The following WWOX variants were observed in gnomAD, a reference collection of about 807,000 sequenced individuals.
WWOX encodes WW domain-containing oxidoreductase.
WWOX carries 69 observed loss-of-function variants against 46.2 expected under a neutral mutation model. The observed-to-expected ratio is 1.49, with a 90% confidence interval of 1.23 to 1.82. The LOEUF (loss-of-function observed/expected upper bound fraction) is 1.82, where lower values mean the gene tolerates loss of function less well. WWOX is among the 40% of genes most tolerant of loss of function. The pLI is 0.00. For synonymous variants in WWOX, 359 were observed against 202.6 expected (o/e 1.77, Z -6.56); for missense variants, 919 against 542.6 (o/e 1.69, Z -6.89).
At chr16:78,552,273 T>C (rs1471407088) in intron 8 of WWOX, 3 of 152,188 alleles carry the variant, frequency 2.0e-5, no homozygotes, top group Non-Finnish European at 4.4e-5. Flanking sequence ...TGTCATCTGA[T>C]TTACACAAAG....
At chr16:78,756,709 C>G (rs937463585) in intron 8 of WWOX, among the ~76,000 whole-genome samples, 1 of 152,120 alleles carries the variant, frequency 6.6e-6, no homozygotes, top group Non-Finnish European at 1.5e-5. Flanking sequence ...AAGCAACTAC[C>G]ATATCTAATT....
chr16:78,454,576 G>T (rs1186131923), intron 8 of WWOX, among the ~76,000 whole-genome samples: 1 of 152,132 alleles, frequency 6.6e-6, no homozygotes, highest in African/African-American at 2.4e-5. Flanking sequence ...CACGATCTCT[G>T]CTGACCCCAA....
chr16:78,983,639 T>C (rs1326369011), intron 8 of WWOX, among the ~76,000 whole-genome samples: 1 of 152,176 alleles, frequency 6.6e-6, no homozygotes, highest in Non-Finnish European at 1.5e-5. Flanking sequence ...TTTGGCCTTG[T>C]GACTTCCAGC....
intron 8 of WWOX, among the ~76,000 whole-genome samples, chr16:78,930,028 T>C (rs1322242255): frequency 6.6e-6 from 1 of 152,054 alleles, no homozygotes; most frequent in African/African-American, 2.4e-5. Context: ...GGCAGGGAAG[T>C]CCCACATGGA....
chr16:78,558,704 C>T (rs1031562175), intron 8 of WWOX, among the ~76,000 whole-genome samples: 1 of 152,242 alleles, frequency 6.6e-6, no homozygotes, highest in Admixed American at 6.5e-5. Flanking sequence ...GAGCTGGCCT[C>T]TGCCAGTGTC....
chr16:79,045,566 G>A (rs570288048), intron 8 of WWOX, among the ~76,000 whole-genome samples: 2 of 152,192 alleles, frequency 1.3e-5, no homozygotes, highest in African/African-American at 4.8e-5. Context: ...GAACACGGAG[G>A]CAGAATTTAA....
intron 5 of WWOX, among the ~76,000 whole-genome samples, chr16:78,333,548 C>T (rs753534363): frequency 1.3e-5 from 2 of 152,038 alleles, no homozygotes; most frequent in Non-Finnish European, 2.9e-5. Context: ...GTGAAATAAT[C>T]AGTATATCAT....
At chr16:78,353,833 G>T (rs1018169270) in intron 5 of WWOX, among the ~76,000 whole-genome samples, 3 of 152,208 alleles carry the variant, frequency 2.0e-5, no homozygotes, top group Non-Finnish European at 4.4e-5. Context: ...CTGGGCTTGG[G>T]TGGCGTTCGC....
At chr16:78,647,768 C>G (rs923805408) in intron 8 of WWOX, among the ~76,000 whole-genome samples, 3 of 152,172 alleles carry the variant, frequency 2.0e-5, no homozygotes, top group African/African-American at 4.8e-5. Flanking sequence ...TAACTGGACC[C>G]AAGACAGAAA....
chr16:78,533,531 A>G (rs2043681691), intron 8 of WWOX, among the ~76,000 whole-genome samples: 1 of 152,168 alleles, frequency 6.6e-6, no homozygotes. Flanking sequence ...GGTTTGGACA[A>G]GCTTAGTCTA....
chr16:79,033,891 G>A lies in WWOX; in HGVS notation c.1057-177717G>A, dbSNP rs62040102. 7.0e-3 allele frequency among the ~76,000 whole-genome samples: 1,063 copies of A among 152,308 alleles called. 5 individuals carry two copies. The highest frequency in any genetic ancestry group is 0.011 in the Non-Finnish European group (759 of 68,034). On this transcript the variant is annotated intron_variant, in intron 8 of 8. Coordinates refer to ENST00000566780, the MANE Select transcript of WWOX (RefSeq NM_016373.4). Reference sequence around the variant, plus strand: ...ATCATGGGAGTTAGGACTGTCTGTCGCACCATCAAACAGGCATAGCTGGCT... The same window carrying A: ...ATCATGGGAGTTAGGACTGTCTGTCACACCATCAAACAGGCATAGCTGGCT...
At chr16:78,305,372 G>A (rs1373182160) in intron 5 of WWOX, among the ~76,000 whole-genome samples, 1 of 152,090 alleles carries the variant, frequency 6.6e-6, no homozygotes, top group Non-Finnish European at 1.5e-5. Flanking sequence ...ATAGCCAGGA[G>A]GAAAAAGCCA....
chr16:78,229,559 C>T (rs569835876), intron 5 of WWOX, among the ~76,000 whole-genome samples: 1 of 149,056 alleles, frequency 6.7e-6, no homozygotes, highest in Admixed American at 6.7e-5. Flanking sequence ...GGACTGTTTG[C>T]AACCTCAGAT....
intron 8 of WWOX, among the ~76,000 whole-genome samples, chr16:78,609,986 C>A (rs1275397304): frequency 3.6e-5 from 4 of 110,848 alleles, no homozygotes; most frequent in African/African-American, 1.4e-4. Flanking sequence ...CTTTAAGTAA[C>A]AGTGACGCAA....
chr16:79,004,391 T>G (rs2047152603), intron 8 of WWOX: 1 of 152,206 alleles, frequency 6.6e-6, no homozygotes, highest in African/African-American at 2.4e-5. Context: ...TTTCTCATTT[T>G]CCATTGGCCC....
chr16:78,370,805 T>C (rs1394406460), intron 5 of WWOX, among the ~76,000 whole-genome samples: 1 of 122,902 alleles, frequency 8.1e-6, no homozygotes, highest in East Asian at 2.5e-4. Flanking sequence ...GGGGGGGCAA[T>C]GCATTCTTAA....
At chr16:78,453,923 A>C (rs1040224739) in intron 8 of WWOX, among the ~76,000 whole-genome samples, 3 of 152,012 alleles carry the variant, frequency 2.0e-5, no homozygotes, top group Admixed American at 6.6e-5. Flanking sequence ...TTTCTTTTGC[A>C]TCAATTATTT....
At chr16:78,718,864 G>C (rs1046006144) in intron 8 of WWOX, among the ~76,000 whole-genome samples, 1 of 152,156 alleles carries the variant, frequency 6.6e-6, no homozygotes, top group Non-Finnish European at 1.5e-5. Context: ...TGTGACTGAG[G>C]AGGTAAAGGT....
chr16:78,704,783 A>G (rs1348102856), intron 8 of WWOX, among the ~76,000 whole-genome samples: 1 of 152,180 alleles, frequency 6.6e-6, no homozygotes, highest in Non-Finnish European at 1.5e-5. Flanking sequence ...CTTTCAGGCA[A>G]GACAGCCAGC....
Sources: gnomAD v4.1 joint callset for allele counts (sites outside exome capture counted in the v4.1 genomes callset) on GRCh38, gnomAD v4.1.1 for gene constraint, MANE v1.5 for transcripts, NCBI Gene and HGNC (gene_info 2026-07-23, HGNC 2026-07-21) for gene names.